PHLPP2: variants seen among roughly 807,000 people sequenced by gnomAD.
PHLPP2 encodes PH domain and leucine rich repeat protein phosphatase 2.
In PHLPP2, 66 loss-of-function variants were observed where a neutral mutation model predicts 124.9. The observed-to-expected ratio is 0.53, with a 90% CI of 0.43 to 0.65. The LOEUF is 0.65. Among genes scored for constraint, PHLPP2 ranks in the 30% least tolerant of loss-of-function variants. PHLPP2 has a pLI of 0.00. For synonymous variants in PHLPP2, 681 were observed against 624.7 expected (o/e 1.09, Z -1.34); for missense variants, 1,685 against 1,600.4 (o/e 1.05, Z -0.90).
rs569983784 is a variant in PHLPP2, at chr16:71,722,777, G to A, written c.-7+1552C>T. On this transcript the variant is annotated intron_variant, in intron 1 of 18. Transcript: ENST00000568954. ...AAGGAATTCCATTCCACCTGCGGAA[G>A]GACACCTAGTTTACGTATTTGACCT... Among the ~76,000 whole-genome samples the A allele has an allele frequency of 9.7e-4, 148 of 152,272 alleles. 1 individual carries two copies. Among genetic ancestry groups the A allele is most frequent in the Non-Finnish European group, 1.7e-3 (115 of 68,018 alleles).
At chr16:71,719,392 C>G (rs2045383139) in intron 1 of PHLPP2, among the ~76,000 whole-genome samples, 1 of 151,976 alleles carries the variant, frequency 6.6e-6, no homozygotes, top group Admixed American at 6.6e-5. Flanking sequence ...AGAAGAATTA[C>G]CCGGGGGTGG....
At chr16:71,707,769 A>G (rs1371215357) in intron 2 of PHLPP2, among the ~76,000 whole-genome samples, 1 of 152,168 alleles carries the variant, frequency 6.6e-6, no homozygotes, top group East Asian at 1.9e-4. Flanking sequence ...CATCAAGCTA[A>G]AACTGTAATT....
At position 71,649,179 on chromosome 16, in the gene PHLPP2, T is replaced by A. The variant is rs755742471; in HGVS notation, c.3683A>T (p.Lys1228Met). Residue 1228 changes from lysine (K) to methionine (M), a missense_variant, in exon 19 of 19, where the codon AAG becomes ATG. Coordinates refer to ENST00000568954, the MANE Select transcript of PHLPP2 (RefSeq NM_015020.3). Reference sequence around the variant, plus strand: ...ATAGAGGCAGGAGGTGGAGGGAGACTTCTGTAACTCCATCCTGTCCTTGCT... The same window carrying A: ...ATAGAGGCAGGAGGTGGAGGGAGACATCTGTAACTCCATCCTGTCCTTGCT... ...PMSKDRMELQ[K>M]SPSTSCLYGK... 1 of 1,613,976 alleles carries A rather than the reference T, an allele frequency of 6.2e-7. No individual in the cohort carries two copies. Among genetic ancestry groups the A allele is most frequent in the Non-Finnish European group, 8.5e-7 (1 of 1,179,972 alleles).
chr16:71,658,151 G>T (rs1293411234), intron 15 of PHLPP2, 82 bp downstream of exon 15: 3 of 1,157,466 alleles, frequency 2.6e-6, no homozygotes, highest in East Asian at 2.4e-5. Context: ...AATTAATCAA[G>T]ATCTCCACAG....
intron 13 of PHLPP2, among the ~76,000 whole-genome samples, chr16:71,661,098 G>A (rs1450323734): frequency 3.6e-5 from 5 of 140,598 alleles, no homozygotes; most frequent in Admixed American, 1.5e-4. Flanking sequence ...ATAGGGTCCC[G>A]CTCTGTTGCC....
chr16:71,683,689 T>A (rs1201917623), intron 5 of PHLPP2, among the ~76,000 whole-genome samples: 2 of 152,222 alleles, frequency 1.3e-5, no homozygotes, highest in Admixed American at 6.5e-5. Context: ...AAAGACCTGG[T>A]GGAATTCCAT....
rs1883102664 is a variant in PHLPP2, at chr16:71,663,889, T to G, written c.1985+10A>C. On this transcript the variant is annotated intron_variant, in intron 13 of 18. Transcript: ENST00000568954. ...GTATTTGAAATGATCAAAGTTTGCATTCATTTTACCTTGCAGGAAAGGTCT... is the reference window on the plus strand; with the variant it reads ...GTATTTGAAATGATCAAAGTTTGCAGTCATTTTACCTTGCAGGAAAGGTCT... 6.2e-7 allele frequency: 1 copy of G among 1,602,610 alleles called. No homozygotes were observed. The highest frequency in any genetic ancestry group is 1.3e-5 in the African/African-American group (1 of 74,704).
At chr16:71,717,371 G>C (rs1271019765) in intron 1 of PHLPP2, among the ~76,000 whole-genome samples, 1 of 152,156 alleles carries the variant, frequency 6.6e-6, no homozygotes, top group African/African-American at 2.4e-5. Context: ...TAGAACTCAG[G>C]AAAACTGATC....
intron 3 of PHLPP2, 138 bp downstream of exon 3, chr16:71,702,460 G>T (rs2045241388): frequency 1.8e-6 from 1 of 566,486 alleles, no homozygotes; most frequent in South Asian, 3.5e-5. Context: ...GTTGTTGTTT[G>T]GTTGGTGTTA....
chr16:71,697,022 T>C (rs891425247), intron 3 of PHLPP2, among the ~76,000 whole-genome samples: 11 of 151,506 alleles, frequency 7.3e-5, no homozygotes, highest in Non-Finnish European at 1.5e-4. Flanking sequence ...AATACAAAAA[T>C]TAGCCAGCTG....
intron 13 of PHLPP2, among the ~76,000 whole-genome samples, chr16:71,662,075 G>A (rs1033236805): frequency 5.9e-5 from 9 of 151,938 alleles, no homozygotes; most frequent in African/African-American, 2.2e-4. Flanking sequence ...GCCCGCCTCG[G>A]CCTGCCAAAG....
chr16:71,722,492 A>T (rs1296428854), intron 1 of PHLPP2, among the ~76,000 whole-genome samples: 1 of 152,124 alleles, frequency 6.6e-6, no homozygotes, highest in East Asian at 1.9e-4. Context: ...TATTTTACAG[A>T]GTTCTAGTTT....
intron 6 of PHLPP2, among the ~76,000 whole-genome samples, chr16:71,680,883 A>G (rs891030347): frequency 2.6e-5 from 4 of 152,168 alleles, no homozygotes; most frequent in Non-Finnish European, 4.4e-5. Flanking sequence ...CCTTAAAATT[A>G]TTGCTTGTTT....
At chr16:71,710,970 C>T (rs1278371426) in intron 2 of PHLPP2, among the ~76,000 whole-genome samples, 2 of 152,184 alleles carry the variant, frequency 1.3e-5, no homozygotes, top group Non-Finnish European at 2.9e-5. Context: ...ATAGTATATC[C>T]ATACAGAGGA....
chr16:71,662,925 C>T (rs886380410), intron 13 of PHLPP2, among the ~76,000 whole-genome samples: 7 of 152,122 alleles, frequency 4.6e-5, no homozygotes, highest in East Asian at 1.9e-4. Context: ...TACTTATCCA[C>T]TGACACTGTC....
intron 1 of PHLPP2, 68 bp from the exon 2 acceptor site, chr16:71,714,869 AC>A: frequency 6.5e-7 from 1 of 1,529,432 alleles, no homozygotes; most frequent in Non-Finnish European, 8.8e-7. Context: ...TTCAGTCCTC[AC>A]CCCACCTCTC....
Position 71,652,688 on chromosome 16 carries a change from T to C in PHLPP2, c.2817+102A>G, listed in dbSNP as rs1011265565. 21 of 794,236 alleles carry C rather than the reference T, an allele frequency of 2.6e-5. No individual in the cohort carries two copies. The African/African-American group carries it at 3.6e-4, about 14-fold the overall frequency. 49.2% of individuals were successfully genotyped at this position (794,236 alleles called of 1,614,324 possible). ...AACTTTTATCTGGATTGGATACAAT[T>C]TACAGGGCATGATAGGAAGAAAATG... On this transcript the variant is annotated intron_variant, in intron 18 of 18. Transcript: ENST00000568954.
intron 5 of PHLPP2, among the ~76,000 whole-genome samples, chr16:71,682,270 T>C (rs1351776519): frequency 6.7e-6 from 1 of 148,740 alleles, no homozygotes; most frequent in East Asian, 2.0e-4. Context: ...CAGGCTGGAG[T>C]GCAGTGGCAC....
In PHLPP2 at chr16:71,652,916, A is replaced by T; in HGVS notation, c.2691T>A (p.Asn897Lys). 2 of 1,614,076 alleles carry T rather than the reference A, an allele frequency of 1.2e-6. No individual in the cohort carries two copies. Among genetic ancestry groups the T allele is most frequent in the Non-Finnish European group, 1.7e-6 (2 of 1,179,966 alleles). The part of the protein sequence containing the change: ...PASSFSLTVA[N>K]VGTCQAVLCR... ...ACAGGACTGCTTGGCACGTGCCAAC[A>T]TTGGCTACAGTCAAGCTAAAGCTAC... Residue 897 changes from asparagine to lysine, a missense_variant, in exon 18 of 19, where the codon AAT (asparagine) becomes AAA (lysine). Physicochemically the swap from Asn to Lys is moderately conservative, Grantham distance 94. Transcript: ENST00000568954.
Sources: gnomAD v4.1 joint callset for allele counts (sites outside exome capture counted in the v4.1 genomes callset) on GRCh38, gnomAD v4.1.1 for gene constraint, MANE v1.5 for transcripts, NCBI Gene and HGNC (gene_info 2026-07-23, HGNC 2026-07-21) for gene names.